The following ASTN2 variants were observed in gnomAD, a reference collection of about 807,000 sequenced individuals.
ASTN2 encodes the protein astrotactin-2.
In ASTN2, 54 loss-of-function variants were observed where a neutral mutation model predicts 139.8. That is an observed-to-expected ratio of 0.39 (90% CI 0.31 to 0.48). ASTN2 has a LOEUF of 0.48. Among genes scored for constraint, ASTN2 ranks in the 20% least tolerant of loss-of-function variants. The probability of loss-of-function intolerance (pLI) is 0.95; values close to 1 mark genes in which losing one functional copy is unlikely to be tolerated. For missense variants in ASTN2, 1,565 were observed against 1,725.1 expected (o/e 0.91, Z 1.64); for synonymous variants, 756 against 719.5 (o/e 1.05, Z -0.81).
At position 116,580,612 on chromosome 9, in the gene ASTN2, G is replaced by A. The variant is rs555448045; in HGVS notation, c.3355+37712C>T. On this transcript the variant is annotated intron_variant, in intron 19 of 22. Transcript: ENST00000313400. The stretch of plus-strand genomic sequence containing the variant: ...ATTGCAGAACCAGCCTAGTCTTCCC[G>A]CTCTCTTTTTCTGGCTGCCATTTTC... 1.3e-4 allele frequency among the ~76,000 whole-genome samples: 20 copies of A among 152,230 alleles called. No individual in the cohort carries two copies. In the South Asian group the frequency reaches 3.5e-3, roughly 27 times the overall value.
intron 17 of ASTN2, among the ~76,000 whole-genome samples, chr9:116,651,029 C>A (rs1310236274): frequency 6.6e-6 from 1 of 151,966 alleles, no homozygotes; most frequent in African/African-American, 2.4e-5. Context: ...AATTCTCCTG[C>A]CTCAGCCTCC....
At chr9:116,494,488 C>T (rs1849612470) in intron 19 of ASTN2, among the ~76,000 whole-genome samples, 1 of 152,012 alleles carries the variant, frequency 6.6e-6, no homozygotes. Context: ...TATCTAACTC[C>T]CTAAAACCTT....
At chr9:116,601,874 C>T (rs1050274668) in intron 19 of ASTN2, among the ~76,000 whole-genome samples, 2 of 152,210 alleles carry the variant, frequency 1.3e-5, no homozygotes, top group East Asian at 1.9e-4. Flanking sequence ...GCAATGACTA[C>T]ATTGATTGTT....
intron 10 of ASTN2, among the ~76,000 whole-genome samples, chr9:116,974,591 T>G (rs1836294044): frequency 6.9e-6 from 1 of 144,484 alleles, no homozygotes; most frequent in Admixed American, 7.3e-5. Context: ...TCACTGCAAC[T>G]TCCGCCTCCT....
At chr9:116,569,225 T>TAGCCGTGCAACCCATGGCA (rs1257562172) in intron 19 of ASTN2, among the ~76,000 whole-genome samples, 4 of 152,224 alleles carry the variant, frequency 2.6e-5, no homozygotes, top group Non-Finnish European at 5.9e-5. Context: ...TGTCACTGGC[T>TAGCCGTGCAACCCATGGCA]AGCCGTGCAA....
At chr9:117,149,030 T>C (rs1049398843) in intron 3 of ASTN2, among the ~76,000 whole-genome samples, 1 of 151,704 alleles carries the variant, frequency 6.6e-6, no homozygotes, top group Non-Finnish European at 1.5e-5. Flanking sequence ...TTTATTTTTA[T>C]TTTTTTTGAG....
chr9:117,041,525 A>T (rs1838571445), intron 5 of ASTN2, among the ~76,000 whole-genome samples: 1 of 152,000 alleles, frequency 6.6e-6, no homozygotes, highest in Admixed American at 6.6e-5. Flanking sequence ...TATTTATTCT[A>T]TGTCCTCAGC....
intron 19 of ASTN2, among the ~76,000 whole-genome samples, chr9:116,608,463 C>G (rs1290945095): frequency 2.6e-5 from 4 of 152,104 alleles, no homozygotes; most frequent in Admixed American, 6.6e-5. Context: ...ATAATTAGCC[C>G]TAGACTAAAC....
At chr9:116,477,290 T>C (rs1452861437) in intron 20 of ASTN2, among the ~76,000 whole-genome samples, 1 of 152,034 alleles carries the variant, frequency 6.6e-6, no homozygotes, top group Admixed American at 6.6e-5. Context: ...TATTCCCCTC[T>C]CCCAGGCCCC....
chr9:116,841,578 A>G (rs1471631724), intron 11 of ASTN2, among the ~76,000 whole-genome samples: 2 of 152,134 alleles, frequency 1.3e-5, no homozygotes, highest in Non-Finnish European at 2.9e-5. Context: ...TAACGAGACT[A>G]AACACATAAT....
At chr9:116,426,116 T>A in intron 22 of ASTN2, 28 bp from the exon 23 acceptor site, 1 of 1,608,014 alleles carries the variant, frequency 6.2e-7, no homozygotes, top group Non-Finnish European at 8.5e-7. Context: ...ACAGCCATGA[T>A]TAAAGAAGTC....
chr9:116,725,933 T>G lies in ASTN2; in HGVS notation c.2644A>C (p.Lys882Gln). The G allele has an allele frequency of 1.2e-6, 2 of 1,613,176 alleles. No individual in the cohort carries two copies. The highest frequency in any genetic ancestry group is 1.7e-6 in the Non-Finnish European group (2 of 1,179,730). The change falls in exon 16 of 23, where the codon AAG becomes CAG. Residue 882 changes from lysine (K) to glutamine (Q), a missense_variant. By Grantham distance (53) the Lys-to-Gln change is moderately conservative. Transcript: ENST00000313400. ...CGACTGCTCTCCTTGGTCAGGATCT[T>G]GAGAACATTAGTGAAGCCTGGACAA... ...TLAAGFTNVLKILTKESSREE... is the reference protein window; with the variant it reads ...TLAAGFTNVLQILTKESSREE...
At chr9:116,863,464 C>G (rs1832943847) in intron 11 of ASTN2, 119 bp downstream of exon 11, 2 of 1,304,776 alleles carry the variant, frequency 1.5e-6, no homozygotes, top group Admixed American at 2.5e-5. Context: ...GCCGCAGAGG[C>G]AGATAAGGGT....
intron 1 of ASTN2, among the ~76,000 whole-genome samples, chr9:117,413,984 T>C (rs1189037924): frequency 6.6e-6 from 1 of 152,180 alleles, no homozygotes; most frequent in East Asian, 1.9e-4. Flanking sequence ...AGCCACGCTT[T>C]TGCGGGTTGA....
chr9:117,338,434 A>G (rs1007917716), intron 1 of ASTN2, among the ~76,000 whole-genome samples: 6 of 152,176 alleles, frequency 3.9e-5, no homozygotes, highest in African/African-American at 1.4e-4. Flanking sequence ...TCATCCATCC[A>G]TTCAGCCCTC....
chr9:116,966,639 C>T (rs753938584), intron 10 of ASTN2, among the ~76,000 whole-genome samples: 4 of 150,858 alleles, frequency 2.7e-5, no homozygotes, highest in Non-Finnish European at 4.4e-5. Flanking sequence ...GCATAGAGTA[C>T]GTCCACCTGG....
intron 16 of ASTN2, among the ~76,000 whole-genome samples, chr9:116,691,498 C>T (rs890500298): frequency 6.6e-6 from 1 of 152,174 alleles, no homozygotes; most frequent in African/African-American, 2.4e-5. Flanking sequence ...ATTTAGCCTG[C>T]CCTTGACATA....
chr9:117,141,160 G>T (rs1347862125), intron 4 of ASTN2, among the ~76,000 whole-genome samples, 166 bp downstream of exon 4: 1 of 152,184 alleles, frequency 6.6e-6, no homozygotes, highest in Admixed American at 6.5e-5. Flanking sequence ...AGCTCTGGGT[G>T]TAGGGAGCAT....
In ASTN2 at chr9:116,975,290, C is replaced by A; in HGVS notation, c.1807G>T (p.Val603Phe). The A allele has an allele frequency of 2.5e-6, 4 of 1,613,468 alleles. No individual in the cohort carries two copies. Among genetic ancestry groups the A allele is most frequent in the Non-Finnish European group, 3.4e-6 (4 of 1,179,694 alleles). The change falls in exon 10 of 23, where the codon GTT becomes TTT. Residue 603 changes from valine (V) to phenylalanine (F), a missense_variant. Val to Phe is a conservative substitution (Grantham distance 50). Transcript: ENST00000313400. Reference sequence around the variant, plus strand: ...TTGATGGACAGCTCCACAGGCGGAACCACAAAGCTTTTGCTGACAGGAAGC... The same window carrying A: ...TTGATGGACAGCTCCACAGGCGGAAACACAAAGCTTTTGCTGACAGGAAGC... ...LWLPVSKSFV[V>F]PPVELSINPL...
Sources: allele counts gnomAD v4.1 joint callset (sites outside exome capture counted in the v4.1 genomes callset), GRCh38; gene constraint gnomAD v4.1.1; transcripts MANE v1.5; gene names NCBI Gene and HGNC (gene_info 2026-07-23, HGNC 2026-07-21).